The following GABRA2 variants were observed in gnomAD, a reference collection of about 807,000 sequenced individuals.
GABRA2 encodes the protein gamma-aminobutyric acid receptor subunit alpha-2.
Under a neutral mutation model 48.7 loss-of-function variants are expected in GABRA2, and 16 were observed. The observed-to-expected ratio is 0.33, with a 90% CI of 0.22 to 0.50. The LOEUF (loss-of-function observed/expected upper bound fraction) is 0.50, where lower values mean the gene tolerates loss of function less well. Ranked by LOEUF, GABRA2 falls within the 20% of genes least tolerant of loss-of-function variation. GABRA2 has a pLI of 0.98. For synonymous variants in GABRA2, 185 were observed against 184.5 expected (o/e 1.00, Z -0.02); for missense variants, 275 against 535.6 (o/e 0.51, Z 4.80).
intron 8 of GABRA2, among the ~76,000 whole-genome samples, chr4:46,299,821 C>T (rs1725428704): frequency 6.6e-6 from 1 of 151,538 alleles, no homozygotes; most frequent in Non-Finnish European, 1.5e-5. Context: ...GTCATGACAG[C>T]AGTATATGTA....
At chr4:46,377,391 C>T (rs1221500661) in intron 3 of GABRA2, among the ~76,000 whole-genome samples, 34 of 151,588 alleles carry the variant, frequency 2.2e-4, no homozygotes, top group Admixed American at 5.3e-4. Context: ...CCTGCCGCCC[C>T]GTCCGGGATG....
Position 46,265,448 on chromosome 4 carries a change from GTA to G in GABRA2, c.857-3322_857-3321del, listed in dbSNP as rs1386579281. On this transcript the variant is annotated intron_variant, in intron 8 of 9. Transcript: ENST00000381620. ...TGTGTATATATATATAATATATTGTGTATATATATAATATATATATAATATAT... is the reference window on the plus strand; with the variant it reads ...TGTGTATATATATATAATATATTGTGTATATATAATATATATATAATATAT... Among the ~76,000 whole-genome samples the G allele has an allele frequency of 2.2e-3, 267 of 119,518 alleles. 1 individual carries two copies. The highest frequency in any genetic ancestry group is 2.1e-3 in the Non-Finnish European group (137 of 65,426). 78.4% of individuals were successfully genotyped at this position (119,518 alleles called of 152,430 possible).
rs535913494 is a variant in GABRA2 at position 46,373,025 on chromosome 4, G to T, written c.187+13049C>A. Among the ~76,000 whole-genome samples, 5 of 152,272 alleles carry T rather than the reference G, an allele frequency of 3.3e-5. No individual in the cohort carries two copies. The South Asian group carries it at 1.0e-3, about 32-fold the overall frequency. ...CTGTTCCAATGAAGTGGCAACACAGGCAGAAATTGCAGCTGCCCCCTGGAA... is the reference window on the plus strand; with the variant it reads ...CTGTTCCAATGAAGTGGCAACACAGTCAGAAATTGCAGCTGCCCCCTGGAA... On this transcript the variant is annotated intron_variant, in intron 3 of 9. Transcript: ENST00000381620.
intron 8 of GABRA2, among the ~76,000 whole-genome samples, chr4:46,298,680 A>T (rs1188078628): frequency 6.6e-6 from 1 of 152,014 alleles, no homozygotes; most frequent in Non-Finnish European, 1.5e-5. Context: ...TGAGAAATGC[A>T]TGTATGAAAA....
chr4:46,366,020 A>C (rs562370280), intron 3 of GABRA2: 1 of 152,228 alleles, frequency 6.6e-6, no homozygotes, highest in Admixed American at 6.5e-5. Flanking sequence ...TAATTTTACA[A>C]ATAACTCAAG....
At chr4:46,330,563 CATATATATATAT>C (rs71955894) in intron 4 of GABRA2, among the ~76,000 whole-genome samples, 9 of 128,368 alleles carry the variant, frequency 7.0e-5, no homozygotes, top group African/African-American at 1.7e-4. Context: ...TGTATATATG[CATATATATATAT>C]ATATATATAT....
intron 3 of GABRA2, among the ~76,000 whole-genome samples, chr4:46,337,025 A>C (rs1407240840): frequency 6.6e-6 from 1 of 152,188 alleles, no homozygotes; most frequent in African/African-American, 2.4e-5. Flanking sequence ...CAAAACTATG[A>C]AAGAACAAAA....
At chr4:46,331,872 C>T (rs1203953316) in intron 4 of GABRA2, among the ~76,000 whole-genome samples, 2 of 152,024 alleles carry the variant, frequency 1.3e-5, no homozygotes, top group Non-Finnish European at 2.9e-5. Flanking sequence ...CAGGCATGTG[C>T]TATCACACCC....
At position 46,249,412 on chromosome 4, in the gene GABRA2, T is replaced by A. The variant is rs542161683; in HGVS notation, c.*896A>T. On this transcript the variant is annotated 3_prime_UTR_variant, in exon 10 of 10. Transcript: ENST00000381620. ...ACCTATGAATTCTCATCAGTGGGAG[T>A]TTTTGGCACAATTTTCTAATCCAAT... 2.6e-5 allele frequency: 4 copies of A among 151,188 alleles called. No individual in the cohort carries two copies. The South Asian group carries it at 8.3e-4, about 31-fold the overall frequency. 9.4% of individuals were successfully genotyped at this position (151,188 alleles called of 1,614,324 possible). A position where few individuals can be genotyped will look rare whatever the true frequency, so the allele number is the denominator to read the frequency against.
chr4:46,273,484 C>CATATATATATATATATGCATATATAT (rs1486165896), intron 8 of GABRA2, among the ~76,000 whole-genome samples: 6 of 18,922 alleles, frequency 3.2e-4, no homozygotes, highest in East Asian at 1.4e-3. Flanking sequence ...TATATATATG[C>CATATATATATATATATGCATATATAT]ATATATATAT....
At chr4:46,318,154 AAAT>A (rs1391403968) in intron 4 of GABRA2, among the ~76,000 whole-genome samples, 1 of 151,448 alleles carries the variant, frequency 6.6e-6, no homozygotes, top group Admixed American at 6.6e-5. Flanking sequence ...AAAATATTAA[AAAT>A]AATAAACCAT....
At chr4:46,273,193 G>A (rs937773350) in intron 8 of GABRA2, among the ~76,000 whole-genome samples, 1 of 151,508 alleles carries the variant, frequency 6.6e-6, no homozygotes, top group Non-Finnish European at 1.5e-5. Context: ...TCTGTCTTTG[G>A]TTTACAGCAC....
chr4:46,273,589 T>C (rs1173548279), intron 8 of GABRA2, among the ~76,000 whole-genome samples: 3 of 149,048 alleles, frequency 2.0e-5, no homozygotes, highest in Non-Finnish European at 4.5e-5. Context: ...GGAAATGTAT[T>C]AAGCCAAGCA....
At chr4:46,340,470 CTTCTA>C (rs143514335) in intron 3 of GABRA2, among the ~76,000 whole-genome samples, 6 of 151,912 alleles carry the variant, frequency 3.9e-5, no homozygotes, top group Admixed American at 3.3e-4. Flanking sequence ...AATTAAATCC[CTTCTA>C]TTCTATTCTA....
At chr4:46,275,282 C>G (rs984190763) in intron 8 of GABRA2, among the ~76,000 whole-genome samples, 1 of 152,056 alleles carries the variant, frequency 6.6e-6, no homozygotes, top group African/African-American at 2.4e-5. Flanking sequence ...ATTTAGCAGG[C>G]TTTTTAACTT....
intron 8 of GABRA2, among the ~76,000 whole-genome samples, chr4:46,282,828 G>A (rs1269055274): frequency 6.6e-6 from 1 of 152,158 alleles, no homozygotes; most frequent in Non-Finnish European, 1.5e-5. Context: ...ATTCCACTAA[G>A]TGGTCCGTAT....
At chr4:46,361,930 C>T (rs1713267696) in intron 3 of GABRA2, among the ~76,000 whole-genome samples, 1 of 152,196 alleles carries the variant, frequency 6.6e-6, no homozygotes, top group Admixed American at 6.5e-5. Context: ...GCCAATTTCT[C>T]CCATTTAGAA....
chr4:46,383,124 G>C (rs1476468238), intron 3 of GABRA2, among the ~76,000 whole-genome samples: 3 of 152,108 alleles, frequency 2.0e-5, no homozygotes, highest in Admixed American at 1.3e-4. Flanking sequence ...GTTCTTCAAA[G>C]TCTTTTAGTT....
intron 3 of GABRA2, among the ~76,000 whole-genome samples, chr4:46,359,421 T>A (rs774524604): frequency 1.3e-5 from 2 of 152,102 alleles, no homozygotes; most frequent in Admixed American, 6.6e-5. Context: ...AAAGATACTA[T>A]CAGCCCCTTC....
Sources: gnomAD v4.1 joint callset for allele counts (sites outside exome capture counted in the v4.1 genomes callset) on GRCh38, gnomAD v4.1.1 for gene constraint, MANE v1.5 for transcripts, NCBI Gene and HGNC (gene_info 2026-07-23, HGNC 2026-07-21) for gene names.